Variants in ST8SIA2 observed in about 807,000 individuals in gnomAD.
ST8SIA2 encodes the protein alpha-2,8-sialyltransferase 8B.
ST8SIA2 carries 22 observed loss-of-function variants against 37.6 expected under a neutral mutation model. That is an observed-to-expected ratio of 0.58 (90% CI 0.42 to 0.83). The LOEUF is 0.83. Ranked by LOEUF, ST8SIA2 falls within the 40% of genes least tolerant of loss-of-function variation. The pLI, the probability that ST8SIA2 is intolerant of heterozygous loss-of-function variation, is 0.00. For missense variants in ST8SIA2, 382 were observed against 484.7 expected (o/e 0.79, Z 1.99); for synonymous variants, 205 against 201.2 (o/e 1.02, Z -0.16).
chr15:92,439,077 C>T (rs964970477), intron 4 of ST8SIA2, among the ~76,000 whole-genome samples: 2 of 152,160 alleles, frequency 1.3e-5, no homozygotes, highest in Non-Finnish European at 2.9e-5. Context: ...GAGATCATAT[C>T]ACCTGCAAAG....
At chr15:92,416,297 G>A (rs558298868) in intron 1 of ST8SIA2, among the ~76,000 whole-genome samples, 2 of 152,076 alleles carry the variant, frequency 1.3e-5, no homozygotes, top group East Asian at 3.9e-4. Flanking sequence ...ATGAACTAGG[G>A]GTGGCTGCCA....
intron 5 of ST8SIA2, among the ~76,000 whole-genome samples, chr15:92,462,868 T>G (rs770976822): frequency 5.3e-5 from 8 of 152,198 alleles, no homozygotes; most frequent in Non-Finnish European, 1.2e-4. Context: ...AGACCACACA[T>G]CAGCATGCGT....
intron 4 of ST8SIA2, 115 bp downstream of exon 4, chr15:92,438,725 C>T (rs2049779053): frequency 7.2e-7 from 1 of 1,381,040 alleles, no homozygotes; most frequent in African/African-American, 1.5e-5. Context: ...GAGTTAGCCC[C>T]TGCTCTCAAC....
intron 3 of ST8SIA2, among the ~76,000 whole-genome samples, chr15:92,436,339 G>T (rs2049758598): frequency 1.3e-5 from 2 of 152,010 alleles, no homozygotes; most frequent in East Asian, 1.9e-4. Flanking sequence ...TAGAGAAATA[G>T]CTCCCCCACC....
Position 92,394,058 on chromosome 15 carries a change from A to G in ST8SIA2, c.-7A>G. ...CCCGCGTGGGTCCCGGCGGGCGCGA[A>G]CCCACCATGCAGCTGCAGTTCCGGA... On this transcript the variant is annotated 5_prime_UTR_variant, in exon 1 of 6. Coordinates refer to ENST00000268164, the MANE Select transcript of ST8SIA2 (RefSeq NM_006011.4). 2 of 1,548,296 alleles carry G rather than the reference A, an allele frequency of 1.3e-6. No homozygotes were observed. The highest frequency in any genetic ancestry group is 1.7e-6 in the Non-Finnish European group (2 of 1,145,514).
chr15:92,414,803 C>A (rs1235353569), intron 1 of ST8SIA2, among the ~76,000 whole-genome samples: 2 of 152,242 alleles, frequency 1.3e-5, no homozygotes, highest in Admixed American at 6.5e-5. Context: ...GTCACCACCC[C>A]ACCCGTACCC....
intron 1 of ST8SIA2, among the ~76,000 whole-genome samples, chr15:92,396,911 C>T (rs1399399557): frequency 6.6e-6 from 1 of 152,200 alleles, no homozygotes; most frequent in African/African-American, 2.4e-5. Context: ...GCTCCGCCTT[C>T]CTCACCATAT....
Position 92,419,236 on chromosome 15 carries a change from A to T in ST8SIA2, c.99-10813A>T, listed in dbSNP as rs374636531. ...AGAGCTCTCTTGGTACAGGGACAGG[A>T]ACACAAACCAGGCAGGCTCAGAAGA... On this transcript the variant is annotated intron_variant, in intron 1 of 5. Transcript: ENST00000268164. 2.6e-5 allele frequency among the ~76,000 whole-genome samples: 4 copies of T among 152,190 alleles called. No individual in the cohort carries two copies. The South Asian group carries it at 8.3e-4, about 32-fold the overall frequency.
At chr15:92,436,090 G>A (rs1056905474) in intron 3 of ST8SIA2, among the ~76,000 whole-genome samples, 6 of 152,080 alleles carry the variant, frequency 3.9e-5, no homozygotes, top group Non-Finnish European at 8.8e-5. Flanking sequence ...AAGGACACCT[G>A]TCATTGTATT....
rs17599870 is a variant in ST8SIA2, at chr15:92,414,514, C to G, written c.99-15535C>G. Reference sequence around the variant, plus strand: ...GTGTATTCAAATCCCGCCTAGAGCTCCCTCCTCACTGTCAATCTTGGCATG... The same window carrying G: ...GTGTATTCAAATCCCGCCTAGAGCTGCCTCCTCACTGTCAATCTTGGCATG... On this transcript the variant is annotated intron_variant, in intron 1 of 5. Coordinates refer to ENST00000268164, the MANE Select transcript of ST8SIA2 (RefSeq NM_006011.4). Among the ~76,000 whole-genome samples, 848 of 152,352 alleles carry G rather than the reference C, an allele frequency of 5.6e-3. 7 individuals carry two copies. The highest frequency in any genetic ancestry group is 0.014 in the East Asian group (73 of 5,182).
At chr15:92,448,602 C>T (rs2049859235) in intron 5 of ST8SIA2, among the ~76,000 whole-genome samples, 2 of 152,220 alleles carry the variant, frequency 1.3e-5, no homozygotes, top group Non-Finnish European at 2.9e-5. Context: ...ACCTGCCTTC[C>T]CCCAGAGCCC....
chr15:92,440,613 G>A (rs1411301486), intron 4 of ST8SIA2, among the ~76,000 whole-genome samples: 1 of 152,176 alleles, frequency 6.6e-6, no homozygotes, highest in Non-Finnish European at 1.5e-5. Flanking sequence ...TCTCTGGGGT[G>A]GACCTGTGGG....
At chr15:92,460,448 A>C (rs1222407024) in intron 5 of ST8SIA2, among the ~76,000 whole-genome samples, 1 of 152,230 alleles carries the variant, frequency 6.6e-6, no homozygotes, top group Non-Finnish European at 1.5e-5. Flanking sequence ...AGTTAAGCCA[A>C]GGTGCATGAA....
In ST8SIA2 at chr15:92,393,961, C is replaced by T; in HGVS notation, c.-104C>T. The T allele has an allele frequency of 1.5e-6, 1 of 677,944 alleles. No homozygotes were observed. The highest frequency in any genetic ancestry group is 2.1e-6 in the Non-Finnish European group (1 of 470,402). The allele number at this position is 677,944 out of a possible 1,614,324, so 42.0% of individuals were successfully genotyped here. A position where few individuals can be genotyped will look rare whatever the true frequency, so the allele number is the denominator to read the frequency against. ...ACTCGTCCGGAGCGCAGGGTGTCTG[C>T]CCAGCTGCGCGCGGCGCGCGGAGGC... is the stretch of plus-strand genomic sequence containing the variant. On this transcript the variant is annotated 5_prime_UTR_variant, in exon 1 of 6. Coordinates refer to ENST00000268164, the MANE Select transcript of ST8SIA2 (RefSeq NM_006011.4).
Position 92,394,252 on chromosome 15 carries a change from C to A in ST8SIA2, c.98+90C>A. 3.6e-6 allele frequency: 4 copies of A among 1,122,844 alleles called. No homozygotes were observed. The South Asian group carries it at 5.3e-5, about 15-fold the overall frequency. The allele number at this position is 1,122,844 out of a possible 1,614,324, so 69.6% of individuals were successfully genotyped here. A position where few individuals can be genotyped will look rare whatever the true frequency, so the allele number is the denominator to read the frequency against. ...TCCACCCTCCGACCCCCTTTGTGTGCGCCGCGCCCCGCTGTAGCTCCGCTG... is the reference window on the plus strand; with the variant it reads ...TCCACCCTCCGACCCCCTTTGTGTGAGCCGCGCCCCGCTGTAGCTCCGCTG... On this transcript the variant is annotated intron_variant, in intron 1 of 5. Transcript: ENST00000268164.
intron 2 of ST8SIA2, 72 bp from the exon 3 acceptor site, chr15:92,434,175 C>G (rs2141830938): frequency 1.2e-6 from 2 of 1,604,904 alleles, no homozygotes; most frequent in Non-Finnish European, 1.7e-6. Context: ...CGTGCAAAAA[C>G]AAAACTATTA....
rs145729115 is a variant in ST8SIA2, at chr15:92,463,602, C to T, written c.843-498C>T. On this transcript the variant is annotated intron_variant, in intron 5 of 5. Transcript: ENST00000268164. ...GGTCAGCAAACTGCTGCTCAAGGGC[C>T]AAGTCTGGCCACACCCATGTGTGTT... 1.0e-3 allele frequency among the ~76,000 whole-genome samples: 155 copies of T among 152,338 alleles called. 1 individual carries two copies. Among genetic ancestry groups the T allele is most frequent in the African/African-American group, 3.5e-3 (147 of 41,590 alleles).
intron 5 of ST8SIA2, among the ~76,000 whole-genome samples, chr15:92,460,244 C>T (rs960657594): frequency 6.6e-6 from 1 of 152,198 alleles, no homozygotes; most frequent in Non-Finnish European, 1.5e-5. Flanking sequence ...AGTTCTTAGG[C>T]GTAGCTGCAC....
chr15:92,425,960 T>A (rs2049672671), intron 1 of ST8SIA2, among the ~76,000 whole-genome samples: 1 of 152,112 alleles, frequency 6.6e-6, no homozygotes. Context: ...AGGGGCAGTT[T>A]CTCCAGCGTC....
Sources: gnomAD v4.1 joint callset for allele counts (sites outside exome capture counted in the v4.1 genomes callset) on GRCh38, gnomAD v4.1.1 for gene constraint, MANE v1.5 for transcripts, NCBI Gene and HGNC (gene_info 2026-07-23, HGNC 2026-07-21) for gene names.